The following RUVBL2 variants were observed in gnomAD, a reference collection of about 807,000 sequenced individuals.
RUVBL2 encodes the protein ruvB-like 2.
A neutral mutation model predicts 57.9 loss-of-function variants in RUVBL2; 9 were observed. The ratio of observed to expected loss-of-function variants is 0.16; its 90% CI spans 0.09 to 0.27. RUVBL2 has a LOEUF of 0.27. Among genes scored for constraint, RUVBL2 ranks in the 10% least tolerant of loss-of-function variants. RUVBL2 has a pLI of 1.00. For missense variants in RUVBL2, 456 were observed against 669.6 expected (o/e 0.68, Z 3.52); for synonymous variants, 278 against 264.6 (o/e 1.05, Z -0.49).
In RUVBL2 at chr19:49,004,438, A is replaced by G. The variant is rs1329295142; in HGVS notation, c.265+20A>G. On this transcript the variant is annotated intron_variant, in intron 4 of 14. Transcript: ENST00000595090. Reference sequence around the variant, plus strand: ...CCATGGGTAAGAAACCTCCCAGGGCAGGAACTCTCCTGTTTCCTGCTAAAT... The same window carrying G: ...CCATGGGTAAGAAACCTCCCAGGGCGGGAACTCTCCTGTTTCCTGCTAAAT... 7 of 1,605,198 alleles carry G rather than the reference A, an allele frequency of 4.4e-6. No individual in the cohort carries two copies. Among genetic ancestry groups the G allele is most frequent in the Non-Finnish European group, 6.0e-6 (7 of 1,176,394 alleles).
At chr19:48,995,316 C>T (rs2039034974) in intron 1 of RUVBL2, among the ~76,000 whole-genome samples, 1 of 150,864 alleles carries the variant, frequency 6.6e-6, no homozygotes, top group Non-Finnish European at 1.5e-5. Flanking sequence ...ATTTGGGATT[C>T]CTGGATTCAT....
Position 49,011,430 on chromosome 19 carries a change from G to A in RUVBL2, c.1001+120G>A. 1 of 754,754 alleles carries A rather than the reference G, an allele frequency of 1.3e-6. No individual in the cohort carries two copies. The highest frequency in any genetic ancestry group is 2.2e-6 in the Non-Finnish European group (1 of 451,356). The allele number at this position is 754,754 out of a possible 1,614,324, so 46.8% of individuals were successfully genotyped here. ...AGGGAGGGACGCGTGACTGCAGTGTGCGCTCTTTGCTTACAAAAGGCGGGT... is the reference window on the plus strand; with the variant it reads ...AGGGAGGGACGCGTGACTGCAGTGTACGCTCTTTGCTTACAAAAGGCGGGT... On this transcript the variant is annotated intron_variant, in intron 11 of 14. Coordinates refer to ENST00000595090, the MANE Select transcript of RUVBL2 (RefSeq NM_006666.3). This position sits in a 1 kb window ranked among gnomAD's most constrained non-coding sequence, Gnocchi z 4.4.
chr19:49,008,427 A>C (rs1364562219), intron 6 of RUVBL2, among the ~76,000 whole-genome samples: 1 of 149,724 alleles, frequency 6.7e-6, no homozygotes, highest in Admixed American at 6.6e-5. Flanking sequence ...TTTTTAGTAG[A>C]GACGGGGTTT....
intron 1 of RUVBL2, 101 bp from the exon 2 acceptor site, chr19:48,999,218 G>A: frequency 7.9e-7 from 1 of 1,261,678 alleles, no homozygotes; most frequent in Admixed American, 1.7e-5. Context: ...CTGCCTGTGA[G>A]GGGAAGGAGT....
chr19:48,993,981 G>A (rs2038999596), intron 1 of RUVBL2, 58 bp downstream of exon 1: 1 of 1,601,930 alleles, frequency 6.2e-7, no homozygotes, highest in African/African-American at 1.3e-5. Context: ...TTTGAGAGAG[G>A]AGGATGCTGG....
chr19:49,003,173 C>CAAAAA, intron 2 of RUVBL2, 106 bp from the exon 3 acceptor site: 1 of 543,670 alleles, frequency 1.8e-6, no homozygotes. Flanking sequence ...GCTCCCTACT[C>CAAAAA]CCACCCACCC....
rs1385032899 is a variant in RUVBL2 at position 49,007,103 on chromosome 19, G to T, written c.351G>T (p.Glu117Asp). Reference protein sequence around the residue: ...EIFSLEMSKTEALTQAFRRSI... With the variant: ...EIFSLEMSKTDALTQAFRRSI... ...TCTCCCTGGAGATGAGCAAGACCGA[G>T]GCGCTGACGCAGGCCTTCCGGCGGT... is the stretch of plus-strand genomic sequence containing the variant. Residue 117 changes from glutamate to aspartate, a missense_variant, in exon 5 of 15, where the codon GAG becomes GAT. By Grantham distance (45) the Glu-to-Asp change is conservative. Transcript: ENST00000595090. 6.2e-7 allele frequency: 1 copy of T among 1,613,180 alleles called. No individual in the cohort carries two copies. The highest frequency in any genetic ancestry group is 1.7e-5 in the Admixed American group (1 of 60,010).
At chr19:49,007,743 C>T (rs561048391) in intron 6 of RUVBL2, among the ~76,000 whole-genome samples, 1 of 152,042 alleles carries the variant, frequency 6.6e-6, no homozygotes, top group African/African-American at 2.4e-5. Context: ...CTCCCTCTGT[C>T]CCCCAGACTG....
At chr19:49,008,317 G>T (rs554531575) in intron 6 of RUVBL2, among the ~76,000 whole-genome samples, 97 of 148,658 alleles carry the variant, frequency 6.5e-4, no homozygotes, top group African/African-American at 2.2e-3. Flanking sequence ...CTCAGCTCAC[G>T]GCAAGCTCTG....
intron 2 of RUVBL2, among the ~76,000 whole-genome samples, chr19:49,002,001 A>T (rs2039192988): frequency 1.3e-5 from 2 of 151,864 alleles, no homozygotes; most frequent in African/African-American, 4.8e-5. Flanking sequence ...GCAGCCACAG[A>T]CAGTATATAA....
At chr19:48,993,673 A>C, upstream of RUVBL2, 1 of 603,156 alleles carries the variant, frequency 1.7e-6, no homozygotes, top group Non-Finnish European at 3.0e-6. Context: ...GGTGGGGCTG[A>C]GCAAAAGGAG....
rs58302006 is a variant in RUVBL2 at position 49,012,843 on chromosome 19, C to CCACACACACACACACACACA, written c.1001+1555_1001+1574dup. The stretch of plus-strand genomic sequence containing the variant: ...TGGCACACTGCAGCCTCAGTGCCCA[C>CCACACACACACACACACACA]CACACACACACACACACACACACAC... On this transcript the variant is annotated intron_variant, in intron 11 of 14. Coordinates refer to ENST00000595090, the MANE Select transcript of RUVBL2 (RefSeq NM_006666.3). Among the ~76,000 whole-genome samples, 234 of 141,896 alleles carry CCACACACACACACACACACA rather than the reference C, an allele frequency of 1.6e-3. 1 individual carries two copies. The highest frequency in any genetic ancestry group is 4.3e-3 in the African/African-American group (163 of 37,902). 93.1% of individuals were successfully genotyped at this position (141,896 alleles called of 152,430 possible).
At chr19:49,015,313 T>C (rs2039523583) in intron 13 of RUVBL2, 163 bp downstream of exon 13, 8 of 925,934 alleles carry the variant, frequency 8.6e-6, no homozygotes, top group African/African-American at 1.7e-5. Context: ...TGGCCTATAG[T>C]AGGTATCAGT....
At chr19:49,007,281 T>C (rs1375334904) in intron 5 of RUVBL2, 21 bp from the exon 6 acceptor site, 1 of 1,612,872 alleles carries the variant, frequency 6.2e-7, no homozygotes, top group East Asian at 2.2e-5. Context: ...GGCTGTCTCC[T>C]CAGATCTGCT....
In RUVBL2 at chr19:49,012,843, CCACACA is replaced by C. The variant is rs58302006; in HGVS notation, c.1001+1569_1001+1574del. Reference sequence around the variant, plus strand: ...TGGCACACTGCAGCCTCAGTGCCCACCACACACACACACACACACACACACACACAC... The same window carrying C: ...TGGCACACTGCAGCCTCAGTGCCCACCACACACACACACACACACACACAC... On this transcript the variant is annotated intron_variant, in intron 11 of 14. Coordinates refer to ENST00000595090, the MANE Select transcript of RUVBL2 (RefSeq NM_006666.3). Among the ~76,000 whole-genome samples the C allele has an allele frequency of 5.1e-3, 729 of 141,898 alleles. 4 individuals are homozygous for C. Among genetic ancestry groups the C allele is most frequent in the African/African-American group, 0.018 (672 of 37,906 alleles). The allele number at this position is 141,898 out of a possible 152,430, so 93.1% of individuals were successfully genotyped here.
Position 49,014,448 on chromosome 19 carries a change from G to A in RUVBL2, c.1002-36G>A, listed in dbSNP as rs373525716. The A allele has an allele frequency of 6.9e-6, 11 of 1,603,110 alleles. No individual in the cohort carries two copies. The African/African-American group carries it at 1.5e-4, about 21-fold the overall frequency. Reference sequence around the variant, plus strand: ...AGCAAAGGGAATGAAGAGGGAACATGCCCCTGACAGCCCCCTCTTTCTGCC... The same window carrying A: ...AGCAAAGGGAATGAAGAGGGAACATACCCCTGACAGCCCCCTCTTTCTGCC... On this transcript the variant is annotated intron_variant, in intron 11 of 14. Coordinates refer to ENST00000595090, the MANE Select transcript of RUVBL2 (RefSeq NM_006666.3).
intron 2 of RUVBL2, among the ~76,000 whole-genome samples, chr19:49,002,285 G>A (rs1600175426): frequency 6.6e-6 from 1 of 151,530 alleles, no homozygotes; most frequent in East Asian, 2.0e-4. Flanking sequence ...CCTGACCTCA[G>A]GTGATCTGCT....
At chr19:49,008,088 CA>C (rs2039320781) in intron 6 of RUVBL2, among the ~76,000 whole-genome samples, 1 of 139,318 alleles carries the variant, frequency 7.2e-6, no homozygotes, top group South Asian at 2.4e-4. Flanking sequence ...TTGTGATCAA[CA>C]AAAACACTTT....
At position 49,007,106 on chromosome 19, in the gene RUVBL2, G is replaced by T; in HGVS notation, c.354G>T (p.Ala118=). The part of the protein sequence containing the change: ...IFSLEMSKTE[A]LTQAFRRSIG... ...CCCTGGAGATGAGCAAGACCGAGGC[G>T]CTGACGCAGGCCTTCCGGCGGTCCA... The change falls in exon 5 of 15, where the codon GCG becomes GCT. Residue 118 remains alanine (A), a synonymous_variant. Coordinates refer to ENST00000595090, the MANE Select transcript of RUVBL2 (RefSeq NM_006666.3). 1 of 1,613,292 alleles carries T rather than the reference G, an allele frequency of 6.2e-7. No homozygotes were observed. Among genetic ancestry groups the T allele is most frequent in the Non-Finnish European group, 8.5e-7 (1 of 1,180,052 alleles).
Sources: allele counts gnomAD v4.1 joint callset (sites outside exome capture counted in the v4.1 genomes callset), GRCh38; gene constraint gnomAD v4.1.1; non-coding constraint Gnocchi (gnomAD v3.1); transcripts MANE v1.5; gene names NCBI Gene and HGNC (gene_info 2026-07-23, HGNC 2026-07-21).